FAM135B: variants seen among roughly 807,000 people sequenced by gnomAD.
FAM135B encodes the protein family with sequence similarity 135 member B.
FAM135B carries 43 observed loss-of-function variants against 127.7 expected under a neutral mutation model. That is an observed-to-expected ratio of 0.34 (90% CI 0.26 to 0.43). The LOEUF is 0.43. Among genes scored for constraint, FAM135B ranks in the 20% least tolerant of loss-of-function variants. FAM135B has a pLI of 1.00. For missense variants in FAM135B, 1,558 were observed against 1,725.6 expected, an observed-to-expected ratio of 0.90 and a Z score of 1.72; for synonymous variants, 670 against 665.1, an observed-to-expected ratio of 1.01 and a Z score of -0.11.
chr8:138,496,276 C>T (rs1815388383), intron 1 of FAM135B, among the ~76,000 whole-genome samples: 1 of 152,152 alleles, frequency 6.6e-6, no homozygotes, highest in Non-Finnish European at 1.5e-5. Context: ...TCGCCTGGAT[C>T]ACAGGGAATC....
intron 12 of FAM135B, among the ~76,000 whole-genome samples, chr8:138,160,371 TTTTA>T (rs533597452): frequency 7.3e-5 from 11 of 151,652 alleles, no homozygotes; most frequent in South Asian, 4.2e-4. Flanking sequence ...TGGTGTCTGG[TTTTA>T]TTTATTTATT....
intron 1 of FAM135B, among the ~76,000 whole-genome samples, chr8:138,435,355 C>T (rs939211944): frequency 6.6e-6 from 1 of 151,954 alleles, no homozygotes; most frequent in East Asian, 1.9e-4. Flanking sequence ...CATGATGATG[C>T]CTCAATGCAC....
At chr8:138,221,374 A>G (rs891706464) in intron 7 of FAM135B, among the ~76,000 whole-genome samples, 1 of 152,096 alleles carries the variant, frequency 6.6e-6, no homozygotes, top group Non-Finnish European at 1.5e-5. Context: ...ACCAAGGGGG[A>G]TGGTGCCAAA....
rs1822117451 is a variant in FAM135B at position 138,256,689 on chromosome 8, T to C, written c.368A>G (p.Gln123Arg). 1 of 1,613,394 alleles carries C rather than the reference T, an allele frequency of 6.2e-7. No homozygotes were observed. The highest frequency in any genetic ancestry group is 1.3e-5 in the African/African-American group (1 of 75,030). The change falls in exon 5 of 20, where the codon CAG (glutamine) becomes CGG (arginine). Residue 123 changes from glutamine (Q) to arginine (R), a missense_variant and splice_region_variant. Gln to Arg is a conservative substitution (Grantham distance 43, BLOSUM62 1). Transcript: ENST00000395297. ...ATTCAATAATTTCCATGACACTCAC[T>C]GCTGTTCACTGTCCGTAAAGTGCAG... ...VDLHFTDSEQ[Q>R]LRDVAGAPMV...
At chr8:138,431,407 A>T (rs1337883556) in intron 1 of FAM135B, among the ~76,000 whole-genome samples, 2 of 152,218 alleles carry the variant, frequency 1.3e-5, no homozygotes, top group Non-Finnish European at 2.9e-5. Flanking sequence ...ACCTGAAAGA[A>T]CGAGATAATG....
At chr8:138,346,780 A>G (rs1042171320) in intron 2 of FAM135B, among the ~76,000 whole-genome samples, 1 of 152,126 alleles carries the variant, frequency 6.6e-6, no homozygotes, top group African/African-American at 2.4e-5. Flanking sequence ...ACATTTACCT[A>G]TGTAACAAAG....
At chr8:138,456,537 G>A (rs992180941) in intron 1 of FAM135B, among the ~76,000 whole-genome samples, 1 of 152,124 alleles carries the variant, frequency 6.6e-6, no homozygotes, top group Non-Finnish European at 1.5e-5. Context: ...ATGCTTCAGT[G>A]GGAAATCCCT....
At chr8:138,481,286 C>T (rs929823367) in intron 1 of FAM135B, among the ~76,000 whole-genome samples, 1 of 152,166 alleles carries the variant, frequency 6.6e-6, no homozygotes, top group Non-Finnish European at 1.5e-5. Flanking sequence ...TCCAGGCCAC[C>T]TAGGACAAAA....
chr8:138,178,301 T>A lies in FAM135B; in HGVS notation c.1029+234A>T, dbSNP rs10112986. Among the ~76,000 whole-genome samples the A allele has an allele frequency of 1.9e-3, 294 of 151,790 alleles. 2 individuals carry two copies. Among genetic ancestry groups the A allele is most frequent in the Middle Eastern group, 6.8e-3 (2 of 294 alleles). On this transcript the variant is annotated intron_variant, in intron 10 of 19. Transcript: ENST00000395297. Reference sequence around the variant, plus strand: ...TTTTCCAAAATACTTTTAATATTTCTTGTGATAGGCTCTGAAATCCTCTGA... The same window carrying A: ...TTTTCCAAAATACTTTTAATATTTCATGTGATAGGCTCTGAAATCCTCTGA...
chr8:138,392,691 A>G (rs1054652089), intron 1 of FAM135B, among the ~76,000 whole-genome samples: 16 of 152,120 alleles, frequency 1.1e-4, no homozygotes, highest in African/African-American at 3.9e-4. Context: ...GTGTCTTCTG[A>G]GCATCTAGGT....
intron 1 of FAM135B, among the ~76,000 whole-genome samples, chr8:138,422,107 CA>C (rs1360397503): frequency 6.6e-6 from 1 of 151,968 alleles, no homozygotes; most frequent in Non-Finnish European, 1.5e-5. Flanking sequence ...TCACCATACA[CA>C]AAAAAGTCAA....
intron 1 of FAM135B, chr8:138,440,526 T>C (rs1049669905): frequency 6.6e-6 from 1 of 151,790 alleles, no homozygotes; most frequent in African/African-American, 2.4e-5. Context: ...CTGCATTGTC[T>C]AAATCATATC....
chr8:138,288,840 T>C (rs1362741626), intron 3 of FAM135B, among the ~76,000 whole-genome samples: 3 of 152,176 alleles, frequency 2.0e-5, no homozygotes, highest in Admixed American at 6.5e-5. Context: ...TAAAAAATGT[T>C]CTAGAGCATG....
intron 3 of FAM135B, among the ~76,000 whole-genome samples, chr8:138,285,589 T>C (rs980058438): frequency 2.6e-5 from 4 of 152,200 alleles, no homozygotes; most frequent in Non-Finnish European, 4.4e-5. Flanking sequence ...TTCAGTTGTA[T>C]AGTCAAGAGA....
In FAM135B at chr8:138,151,860, C is replaced by CCTGAGAACA; in HGVS notation, c.2614_2615insTGTTCTCAG (p.Pro871_Gly872insValPheSer). On this transcript the variant is annotated inframe_insertion, in exon 13 of 20. Transcript: ENST00000395297. ...TAAATTAAGACCTTTGGTTTCAACA[C>CCTGAGAACA]CTGGAGTGTTCTCAGTCCTGCCATC... 6.2e-7 allele frequency: 1 copy of CCTGAGAACA among 1,614,042 alleles called. No homozygotes were observed. Among genetic ancestry groups the CCTGAGAACA allele is most frequent in the Non-Finnish European group, 8.5e-7 (1 of 1,179,908 alleles).
chr8:138,252,166 T>C (rs755628495), intron 5 of FAM135B, among the ~76,000 whole-genome samples: 20 of 152,168 alleles, frequency 1.3e-4, no homozygotes, highest in Non-Finnish European at 2.5e-4. Context: ...GGTGTTAACA[T>C]TTACATTCTT....
At chr8:138,180,636 A>C (rs963647249) in intron 9 of FAM135B, among the ~76,000 whole-genome samples, 1 of 152,208 alleles carries the variant, frequency 6.6e-6, no homozygotes, top group Non-Finnish European at 1.5e-5. Flanking sequence ...TCCAAGAGTA[A>C]GAAAGAGGGA....
Position 138,466,901 on chromosome 8 carries a change from G to T in FAM135B, c.-20+29770C>A, listed in dbSNP as rs147069022. Among the ~76,000 whole-genome samples the T allele has an allele frequency of 9.0e-4, 137 of 152,260 alleles. 2 individuals are homozygous for T. Among genetic ancestry groups the T allele is most frequent in the African/African-American group, 2.8e-3 (115 of 41,538 alleles). On this transcript the variant is annotated intron_variant, in intron 1 of 19. Transcript: ENST00000395297. Reference sequence around the variant, plus strand: ...CTTTACTTTGATGATTCAGGATCAGGCAGTTGTGTCATCAGTGAAATGCTG... The same window carrying T: ...CTTTACTTTGATGATTCAGGATCAGTCAGTTGTGTCATCAGTGAAATGCTG...
intron 3 of FAM135B, among the ~76,000 whole-genome samples, chr8:138,293,869 G>A (rs749357881): frequency 5.3e-5 from 8 of 152,090 alleles, no homozygotes; most frequent in Non-Finnish European, 7.4e-5. Context: ...TAGGCCTACC[G>A]TTTGACCCAA....
Sources: allele counts gnomAD v4.1 joint callset (sites outside exome capture counted in the v4.1 genomes callset), GRCh38; gene constraint gnomAD v4.1.1; transcripts MANE v1.5; gene names NCBI Gene and HGNC (gene_info 2026-07-23, HGNC 2026-07-21).